Variants in OPCML observed in about 807,000 individuals in gnomAD.
OPCML encodes opioid-binding protein/cell adhesion molecule.
In OPCML, 13 loss-of-function variants were observed where a neutral mutation model predicts 37.8. The observed-to-expected ratio is 0.34, with a 90% CI of 0.22 to 0.55. The LOEUF is 0.55. Among genes scored for constraint, OPCML ranks in the 20% least tolerant of loss-of-function variants. OPCML has a pLI of 0.91. For synonymous variants in OPCML, 176 were observed against 168.8 expected (o/e 1.04, Z -0.33); for missense variants, 341 against 435.6 (o/e 0.78, Z 1.93).
chr11:132,816,578 T>C (rs1210009897), intron 2 of OPCML, among the ~76,000 whole-genome samples: 1 of 152,194 alleles, frequency 6.6e-6, no homozygotes, highest in Non-Finnish European at 1.5e-5. Flanking sequence ...TAAGATTTCT[T>C]GTTTATAGCA....
At chr11:133,155,560 A>G (rs1400694023) in intron 1 of OPCML, among the ~76,000 whole-genome samples, 1 of 152,004 alleles carries the variant, frequency 6.6e-6, no homozygotes, top group Non-Finnish European at 1.5e-5. Context: ...AAAGGCCCCC[A>G]AGCCTCCTTA....
intron 7 of OPCML, among the ~76,000 whole-genome samples, chr11:132,423,456 T>C (rs1026531062): frequency 1.3e-5 from 2 of 152,186 alleles, no homozygotes; most frequent in Non-Finnish European, 2.9e-5. Flanking sequence ...CAAATGCCAA[T>C]GCGGTGAGGG....
intron 1 of OPCML, among the ~76,000 whole-genome samples, chr11:133,195,319 C>A (rs1357688036): frequency 6.6e-6 from 1 of 152,128 alleles, no homozygotes; most frequent in East Asian, 1.9e-4. Flanking sequence ...TGGCAGGTAG[C>A]AGCGGTTCAA....
intron 1 of OPCML, among the ~76,000 whole-genome samples, chr11:133,503,769 C>A (rs145549518): frequency 3.5e-4 from 54 of 152,272 alleles, no homozygotes; most frequent in African/African-American, 1.3e-3. Context: ...TGACTTCTAT[C>A]TCAAAGATGA....
At chr11:133,415,802 GAGA>G (rs1945747743) in intron 1 of OPCML, among the ~76,000 whole-genome samples, 1 of 152,194 alleles carries the variant, frequency 6.6e-6, no homozygotes. Context: ...AGGTCATGAT[GAGA>G]AGGAGTCCAT....
intron 2 of OPCML, among the ~76,000 whole-genome samples, chr11:132,720,411 G>T (rs1944636126): frequency 6.6e-6 from 1 of 152,204 alleles, no homozygotes; most frequent in South Asian, 2.1e-4. Context: ...AAAGATAAAT[G>T]ATCATCCATT....
intron 1 of OPCML, among the ~76,000 whole-genome samples, chr11:133,477,712 G>C (rs1777475564): frequency 6.6e-6 from 1 of 152,164 alleles, no homozygotes; most frequent in Admixed American, 6.5e-5. Flanking sequence ...TCCTTAGTTT[G>C]GGAAGATCCT....
At chr11:132,450,798 T>C (rs1038034371) in intron 4 of OPCML, among the ~76,000 whole-genome samples, 2 of 152,216 alleles carry the variant, frequency 1.3e-5, no homozygotes, top group Non-Finnish European at 2.9e-5. Context: ...GGAGTGATTA[T>C]GACTTTCTGT....
intron 3 of OPCML, among the ~76,000 whole-genome samples, chr11:132,642,656 G>T (rs940425109): frequency 6.6e-6 from 1 of 152,172 alleles, no homozygotes; most frequent in Admixed American, 6.5e-5. Flanking sequence ...CCTAGCAGTG[G>T]AAAACAAATA....
At chr11:133,221,159 C>T (rs934979308) in intron 1 of OPCML, among the ~76,000 whole-genome samples, 2 of 152,134 alleles carry the variant, frequency 1.3e-5, no homozygotes, top group Non-Finnish European at 2.9e-5. Context: ...CTGGCCATAC[C>T]CCGTCAACCA....
In OPCML at chr11:132,482,821, C is replaced by T. The variant is rs538443999; in HGVS notation, c.506-45462G>A. 7.0e-3 allele frequency among the ~76,000 whole-genome samples: 1,059 copies of T among 151,550 alleles called. 7 individuals carry two copies. Among genetic ancestry groups the T allele is most frequent in the African/African-American group, 0.024 (980 of 41,218 alleles). On this transcript the variant is annotated intron_variant, in intron 4 of 7. Coordinates refer to ENST00000524381, the MANE Select transcript of OPCML (RefSeq NM_001012393.5). ...TAAACAGAGCCAAAGACAAAAACCA[C>T]ATGATTATCTCAATAGATGCAGAAA... is the stretch of plus-strand genomic sequence containing the variant.
At chr11:133,418,151 A>G (rs1945808252) in intron 1 of OPCML, 1 of 985,260 alleles carries the variant, frequency 1.0e-6, no homozygotes. Flanking sequence ...AACAATCAAG[A>G]AAGACTGGAA....
At chr11:133,292,307 T>G (rs571040462) in intron 1 of OPCML, among the ~76,000 whole-genome samples, 1 of 152,200 alleles carries the variant, frequency 6.6e-6, no homozygotes, top group African/African-American at 2.4e-5. Context: ...AGATGCAATA[T>G]TGCTTTTTTC....
chr11:133,002,938 A>T (rs143161786), intron 1 of OPCML, among the ~76,000 whole-genome samples: 126 of 152,314 alleles, frequency 8.3e-4, no homozygotes, highest in African/African-American at 2.9e-3. Context: ...CAGGAATTGT[A>T]GTTCTCTTTT....
rs967402043 is a variant in OPCML, at chr11:133,276,349, A to G, written c.61+255915T>C. 9.2e-5 allele frequency among the ~76,000 whole-genome samples: 14 copies of G among 152,270 alleles called. No individual in the cohort carries two copies. The East Asian group carries it at 1.2e-3, about 13-fold the overall frequency. On this transcript the variant is annotated intron_variant, in intron 1 of 7. Coordinates refer to ENST00000524381, the MANE Select transcript of OPCML (RefSeq NM_001012393.5). ...CTGGACGAGCCAAGAGCAAGGGAGA[A>G]AAGGAAGAGGGGCCAAGTGGGGAGG...
chr11:133,516,681 G>A (rs1381932064), intron 1 of OPCML, among the ~76,000 whole-genome samples: 1 of 152,124 alleles, frequency 6.6e-6, no homozygotes, highest in Non-Finnish European at 1.5e-5. Flanking sequence ...GGTCCCTGGT[G>A]CAGAGCCGGT....
intron 2 of OPCML, among the ~76,000 whole-genome samples, chr11:132,848,725 G>T (rs964944603): frequency 6.6e-6 from 1 of 152,228 alleles, no homozygotes; most frequent in Non-Finnish European, 1.5e-5. Flanking sequence ...TATAAGGAGA[G>T]ACCTGGAATA....
intron 1 of OPCML, among the ~76,000 whole-genome samples, chr11:133,319,759 A>C (rs1020873798): frequency 6.6e-6 from 1 of 152,172 alleles, no homozygotes; most frequent in African/African-American, 2.4e-5. Context: ...TGCCAGTGTC[A>C]CAGTGGAACC....
intron 2 of OPCML, among the ~76,000 whole-genome samples, chr11:132,662,532 C>T (rs147216268): frequency 1.3e-5 from 2 of 152,074 alleles, no homozygotes; most frequent in Non-Finnish European, 2.9e-5. Flanking sequence ...AAAGTTCCTG[C>T]CCTATGAAAC....
Sources: allele counts gnomAD v4.1 joint callset (sites outside exome capture counted in the v4.1 genomes callset), GRCh38; gene constraint gnomAD v4.1.1; transcripts MANE v1.5; gene names NCBI Gene and HGNC (gene_info 2026-07-23, HGNC 2026-07-21).